Variants in DNAH9 observed in about 807,000 individuals in gnomAD.
DNAH9 encodes dynein axonemal heavy chain 9, also known as DNAH9 variant protein.
In DNAH9, 345 loss-of-function variants were observed where a neutral mutation model predicts 471.6. The observed-to-expected ratio is 0.73, with a 90% CI of 0.67 to 0.80. The LOEUF (loss-of-function observed/expected upper bound fraction) is 0.80. Among genes scored for constraint, DNAH9 ranks in the 30% least tolerant of loss-of-function variants. The pLI is 0.00. For synonymous variants in DNAH9, 2,093 were observed against 2,123.6 expected (o/e 0.99, Z 0.40); for missense variants, 5,407 against 5,609.2 (o/e 0.96, Z 1.15).
At chr17:11,780,225 CAGAT>C (rs1285727176) in intron 38 of DNAH9, among the ~76,000 whole-genome samples, 1 of 152,188 alleles carries the variant, frequency 6.6e-6, no homozygotes, top group African/African-American at 2.4e-5. Flanking sequence ...CCAAGGTGCT[CAGAT>C]AGAGAGCCAG....
chr17:11,771,925 G>C (rs1236935510), intron 38 of DNAH9, among the ~76,000 whole-genome samples: 1 of 152,054 alleles, frequency 6.6e-6, no homozygotes, highest in African/African-American at 2.4e-5. Context: ...ATAAGAATTT[G>C]TATTACCTTC....
rs918897861 is a variant in DNAH9 at position 11,742,419 on chromosome 17, A to G, written c.6111+106A>G. 7 of 1,166,086 alleles carry G rather than the reference A, an allele frequency of 6.0e-6. No homozygotes were observed. The Admixed American group carries it at 1.5e-4, about 24-fold the overall frequency. 72.2% of individuals were successfully genotyped at this position (1,166,086 alleles called of 1,614,324 possible). On this transcript the variant is annotated intron_variant, in intron 30 of 68. Transcript: ENST00000262442. The stretch of plus-strand genomic sequence containing the variant: ...GGAAAACATACTCAAGCTTTCTCAT[A>G]GAAAGTCACTGTACCCATAAGCATG...
Position 11,692,677 on chromosome 17 carries a change from G to A in DNAH9, c.4615-1191G>A, listed in dbSNP as rs371897483. ...TAATAATCACATTAAGATGTTATCC[G>A]CCTTTTTTTTTTCTCTCATTCTTCC... On this transcript the variant is annotated intron_variant, in intron 20 of 68. Coordinates refer to ENST00000262442, the MANE Select transcript of DNAH9 (RefSeq NM_001372.4). 4.5e-3 allele frequency among the ~76,000 whole-genome samples: 679 copies of A among 151,382 alleles called. 7 individuals are homozygous for A. The highest frequency in any genetic ancestry group is 8.8e-3 in the South Asian group (42 of 4,786).
intron 50 of DNAH9, among the ~76,000 whole-genome samples, chr17:11,857,490 C>T (rs1374431505): frequency 1.3e-5 from 2 of 152,146 alleles, no homozygotes; most frequent in African/African-American, 4.8e-5. Flanking sequence ...GGGCCATTTC[C>T]AGCCTAGTCC....
At chr17:11,872,853 A>G (rs912458157) in intron 52 of DNAH9, among the ~76,000 whole-genome samples, 14 of 152,278 alleles carry the variant, frequency 9.2e-5, no homozygotes, top group Admixed American at 3.3e-4. Flanking sequence ...CCGGGAGGCG[A>G]AGCTTGCAGT....
intron 31 of DNAH9, among the ~76,000 whole-genome samples, 161 bp from the exon 32 acceptor site, chr17:11,747,395 G>C (rs1199321899): frequency 6.6e-6 from 1 of 152,176 alleles, no homozygotes; most frequent in African/African-American, 2.4e-5. Flanking sequence ...AATGAATCAT[G>C]TTGCCCCTAT....
chr17:11,629,215 A>T (rs1239435486), intron 6 of DNAH9, among the ~76,000 whole-genome samples: 4 of 151,568 alleles, frequency 2.6e-5, no homozygotes, highest in Non-Finnish European at 5.9e-5. Flanking sequence ...GTCATTTAGC[A>T]TTAGGTATAT....
chr17:11,746,818 A>G (rs184172297), intron 31 of DNAH9, among the ~76,000 whole-genome samples: 1 of 152,358 alleles, frequency 6.6e-6, no homozygotes, highest in African/African-American at 2.4e-5. Context: ...CAACCAAATT[A>G]TCATCCATGA....
At chr17:11,602,568 T>A (rs1355274149) in intron 1 of DNAH9, among the ~76,000 whole-genome samples, 1 of 152,218 alleles carries the variant, frequency 6.6e-6, no homozygotes, top group Non-Finnish European at 1.5e-5. Context: ...CCACTCTCAC[T>A]GCTGCATCCT....
In DNAH9 at chr17:11,714,128, C is replaced by T. The variant is rs147558284; in HGVS notation, c.5553-5206C>T. Among the ~76,000 whole-genome samples the T allele has an allele frequency of 5.2e-4, 79 of 152,250 alleles. No individual in the cohort carries two copies. In the East Asian group the frequency reaches 0.011, roughly 22 times the overall value. The stretch of plus-strand genomic sequence containing the variant: ...AAATATTAAAGCGTTATCAAAGGAA[C>T]GGATTTGTTTTAGGTTAGTGCAAAG... On this transcript the variant is annotated intron_variant, in intron 26 of 68. Transcript: ENST00000262442.
intron 38 of DNAH9, 47 bp from the exon 39 acceptor site, chr17:11,780,962 A>G: frequency 6.3e-7 from 1 of 1,584,922 alleles, no homozygotes; most frequent in Non-Finnish European, 8.6e-7. Context: ...CAGTACTGGC[A>G]TCTGAGATTT....
At chr17:11,683,190 T>C (rs375117183) in intron 19 of DNAH9, among the ~76,000 whole-genome samples, 2 of 152,194 alleles carry the variant, frequency 1.3e-5, no homozygotes, top group African/African-American at 2.4e-5. Flanking sequence ...TTGTTTTGTT[T>C]TGAGACAGAG....
At chr17:11,653,229 C>T (rs1555557453) in intron 14 of DNAH9, among the ~76,000 whole-genome samples, 4 of 152,204 alleles carry the variant, frequency 2.6e-5, no homozygotes, top group Non-Finnish European at 5.9e-5. Context: ...ATGGTGACAA[C>T]ATTTAATTGT....
At position 11,685,361 on chromosome 17, in the gene DNAH9, G is replaced by T. The variant is rs73290855; in HGVS notation, c.3744-4205G>T. Among the ~76,000 whole-genome samples the T allele has an allele frequency of 9.0e-3, 1,365 of 152,318 alleles. 30 individuals are homozygous for T. The highest frequency in any genetic ancestry group is 0.03 in the African/African-American group (1,251 of 41,572). On this transcript the variant is annotated intron_variant, in intron 19 of 68. Transcript: ENST00000262442. Reference sequence around the variant, plus strand: ...AGCTGGAAAACTGCATGTGTGTATGGCTGGGATGCAGGAAGCAGGAGAGGA... The same window carrying T: ...AGCTGGAAAACTGCATGTGTGTATGTCTGGGATGCAGGAAGCAGGAGAGGA...
At position 11,969,659 on chromosome 17, in the gene DNAH9, C is replaced by T. The variant is rs2151460562; in HGVS notation, c.*132C>T. The T allele has an allele frequency of 6.6e-6, 5 of 758,530 alleles. No individual in the cohort carries two copies. Among genetic ancestry groups the T allele is most frequent in the East Asian group, 5.4e-5 (2 of 37,034 alleles). The allele number at this position is 758,530 out of a possible 1,614,324, so 47.0% of individuals were successfully genotyped here. ...GAGCACTCACAATTCTGTAGAATTC[C>T]TCTAGGGAACTTGGAGAGGTGTGCC... On this transcript the variant is annotated 3_prime_UTR_variant, in exon 69 of 69. Coordinates refer to ENST00000262442, the MANE Select transcript of DNAH9 (RefSeq NM_001372.4).
chr17:11,703,981 A>C (rs971081336), intron 24 of DNAH9, among the ~76,000 whole-genome samples: 6 of 152,288 alleles, frequency 3.9e-5, no homozygotes, highest in South Asian at 4.1e-4. Flanking sequence ...CGAATGATAC[A>C]TTTTTTCAGG....
intron 49 of DNAH9, among the ~76,000 whole-genome samples, chr17:11,838,275 A>G (rs931539517): frequency 6.6e-6 from 1 of 152,196 alleles, no homozygotes; most frequent in Non-Finnish European, 1.5e-5. Context: ...TGGTGCAGAA[A>G]CTGAAAGTGG....
chr17:11,848,684 C>T (rs1375804316), intron 49 of DNAH9, among the ~76,000 whole-genome samples: 1 of 152,134 alleles, frequency 6.6e-6, no homozygotes, highest in East Asian at 1.9e-4. Context: ...TTTTCACTTA[C>T]ATAGAACAAT....
rs78513714 is a variant in DNAH9 at position 11,668,445 on chromosome 17, T to G, written c.2732-619T>G. ...ACTTTGGGAGGCCAAGGCGGGCGAATCACGAGGTCAGGAGTTTGAGACCAG... is the reference window on the plus strand; with the variant it reads ...ACTTTGGGAGGCCAAGGCGGGCGAAGCACGAGGTCAGGAGTTTGAGACCAG... On this transcript the variant is annotated intron_variant, in intron 15 of 68. Transcript: ENST00000262442. 0.02 allele frequency among the ~76,000 whole-genome samples: 3,108 copies of G among 152,168 alleles called. 182 individuals are homozygous for G. The East Asian group carries it at 0.24, about 12-fold the overall frequency.
Sources: gnomAD v4.1 joint callset for allele counts (sites outside exome capture counted in the v4.1 genomes callset) on GRCh38, gnomAD v4.1.1 for gene constraint, MANE v1.5 for transcripts, NCBI Gene and HGNC (gene_info 2026-07-23, HGNC 2026-07-21) for gene names.